ZBTB32: variants seen among roughly 807,000 people sequenced by gnomAD.
ZBTB32 encodes zinc finger and BTB domain containing 32.
Under a neutral mutation model 45.3 loss-of-function variants are expected in ZBTB32, and 28 were observed. The ratio of observed to expected loss-of-function variants is 0.62; its 90% confidence interval spans 0.46 to 0.85. The LOEUF (loss-of-function observed/expected upper bound fraction) is 0.85. ZBTB32 is among the 40% of genes least tolerant of loss of function. The pLI, the probability that ZBTB32 is intolerant of heterozygous loss-of-function variation, is 0.00. For missense variants in ZBTB32, 587 were observed against 624.4 expected, an observed-to-expected ratio of 0.94 and a Z score of 0.64; for synonymous variants, 283 against 255.7, an observed-to-expected ratio of 1.11 and a Z score of -1.02.
At chr19:35,712,681 A>C (rs574773386) in intron 1 of ZBTB32, among the ~76,000 whole-genome samples, 1 of 152,210 alleles carries the variant, frequency 6.6e-6, no homozygotes, top group Non-Finnish European at 1.5e-5. Flanking sequence ...GTCATTTGTC[A>C]TCAGCCCAAG....
chr19:35,715,008 CAGG>C lies in ZBTB32; in HGVS notation c.388_390del (p.Glu130del), dbSNP rs781665616. The C allele has an allele frequency of 1.2e-5, 19 of 1,610,412 alleles. 1 individual carries two copies. In the South Asian group the frequency reaches 2.1e-4, roughly 18 times the overall value. On this transcript the variant is annotated inframe_deletion, in exon 3 of 7. Coordinates refer to ENST00000392197, the MANE Select transcript of ZBTB32 (RefSeq NM_014383.3). ...GCCAGATCCAGGCCTGAAGAAACAT[CAGG>C]AGGAGCCAGAGAAACCCTCAAGGAA...
Position 35,713,015 on chromosome 19 carries a change from A to AC in ZBTB32, c.-118dup, listed in dbSNP as rs1968742982. 1 of 151,954 alleles carries AC rather than the reference A, an allele frequency of 6.6e-6. No individual in the cohort carries two copies. Among genetic ancestry groups the AC allele is most frequent in the African/African-American group, 2.4e-5 (1 of 41,318 alleles). The allele number at this position is 151,954 out of a possible 1,614,324, so 9.4% of individuals were successfully genotyped here. A position where few individuals can be genotyped will look rare whatever the true frequency, so the allele number is the denominator to read the frequency against. On this transcript the variant is annotated 5_prime_UTR_variant, in exon 2 of 7. The change abolishes the stop of an existing upstream ORF in the 5' untranslated region. Coordinates refer to ENST00000392197, the MANE Select transcript of ZBTB32 (RefSeq NM_014383.3). ...ATATTCGTCACGTCATTTCATCTTC[A>AC]CCCCCACCTCCAAATGAGGTAAGCA... is the stretch of plus-strand genomic sequence containing the variant.
chr19:35,710,264 A>T (rs770846790), intron 1 of ZBTB32, among the ~76,000 whole-genome samples: 8 of 152,068 alleles, frequency 5.3e-5, no homozygotes, highest in Non-Finnish European at 1.2e-4. Flanking sequence ...GGCTGATATC[A>T]TATTGCCTTT....
Position 35,716,782 on chromosome 19 carries a change from T to C in ZBTB32, c.*30T>C, listed in dbSNP as rs780887653. The C allele has an allele frequency of 2.1e-5, 33 of 1,579,978 alleles. No individual in the cohort carries two copies. Among genetic ancestry groups the C allele is most frequent in the Non-Finnish European group, 2.7e-5 (31 of 1,156,688 alleles). On this transcript the variant is annotated 3_prime_UTR_variant, in exon 7 of 7. Transcript: ENST00000392197. Reference sequence around the variant, plus strand: ...GTGTCGGTAGCGTCTTAGCCAAGAGTCCAATTAAAGAACGAAAAGCGGGCC... The same window carrying C: ...GTGTCGGTAGCGTCTTAGCCAAGAGCCCAATTAAAGAACGAAAAGCGGGCC...
rs758313846 is a variant in ZBTB32, at chr19:35,715,210, G to T, written c.584G>T (p.Arg195Leu). 1 of 1,607,108 alleles carries T rather than the reference G, an allele frequency of 6.2e-7. No homozygotes were observed. The highest frequency in any genetic ancestry group is 1.7e-5 in the Admixed American group (1 of 58,292). The change falls in exon 3 of 7, where the codon CGC becomes CTC. Residue 195 changes from arginine (R) to leucine (L), a missense_variant. By Grantham distance (102) the Arg-to-Leu change is moderately radical (BLOSUM62 -2). Coordinates refer to ENST00000392197, the MANE Select transcript of ZBTB32 (RefSeq NM_014383.3). ...QQEQTRSKEK[R>L]LQAPVGQRGA... The stretch of plus-strand genomic sequence containing the variant: ...GAACAGACCAGGTCAAAGGAGAAAC[G>T]CCTCCAAGCCCCTGTTGGCCAAAGG...
Position 35,715,144 on chromosome 19 carries a change from G to A in ZBTB32, c.518G>A (p.Gly173Asp), listed in dbSNP as rs777509016. ...TTGCACAAGCACTCGCCACCAAGAG[G>A]CAGACCCGAGATGGCAGGAGCAACG... ...EMLHKHSPPR[G>D]RPEMAGATQE... The change falls in exon 3 of 7, where the codon GGC becomes GAC. Residue 173 changes from glycine to aspartate, a missense_variant. Transcript: ENST00000392197. The A allele has an allele frequency of 6.2e-7, 1 of 1,613,914 alleles. No homozygotes were observed. The highest frequency in any genetic ancestry group is 8.5e-7 in the Non-Finnish European group (1 of 1,179,984).
chr19:35,709,473 A>T (rs1246847765), intron 1 of ZBTB32, among the ~76,000 whole-genome samples: 2 of 152,210 alleles, frequency 1.3e-5, no homozygotes, highest in African/African-American at 4.8e-5. Flanking sequence ...CAAGAAGTTC[A>T]TGATACAAGG....
chr19:35,709,169 A>G (rs1037264100), intron 1 of ZBTB32, among the ~76,000 whole-genome samples: 1 of 152,106 alleles, frequency 6.6e-6, no homozygotes. Context: ...AATCGCTCTT[A>G]ATCTATATAA....
At chr19:35,707,369 C>CA (rs1968571161) in intron 1 of ZBTB32, among the ~76,000 whole-genome samples, 1 of 119,672 alleles carries the variant, frequency 8.4e-6, no homozygotes, top group Admixed American at 8.9e-5. Flanking sequence ...CTACCATTTT[C>CA]TTTTTTTTTT....
intron 1 of ZBTB32, among the ~76,000 whole-genome samples, chr19:35,709,880 A>G (rs1968643999): frequency 6.7e-6 from 1 of 149,344 alleles, no homozygotes; most frequent in Non-Finnish European, 1.5e-5. Context: ...CTCTGTCTCA[A>G]AAAAAAAAAA....
rs753807569 is a variant in ZBTB32, at chr19:35,716,226, A to T, written c.1118A>T (p.Tyr373Phe). The T allele has an allele frequency of 1.2e-6, 2 of 1,613,310 alleles. No individual in the cohort carries two copies. The highest frequency in any genetic ancestry group is 2.7e-5 in the African/African-American group (2 of 74,696). Residue 373 changes from tyrosine (Y) to phenylalanine (F), a missense_variant, in exon 6 of 7, where the codon TAT (tyrosine) becomes TTT (phenylalanine). Coordinates refer to ENST00000392197, the MANE Select transcript of ZBTB32 (RefSeq NM_014383.3). ...PPAPPARSRP[Y>F]ACSVCGKRFS... The stretch of plus-strand genomic sequence containing the variant: ...GCCCCTCCTGCTCGGTCTCGGCCCT[A>T]TGCGTGCTCTGTCTGTGGAAAGAGG...
intron 1 of ZBTB32, among the ~76,000 whole-genome samples, chr19:35,710,435 G>A (rs765873981): frequency 6.6e-6 from 1 of 152,050 alleles, no homozygotes; most frequent in Non-Finnish European, 1.5e-5. Flanking sequence ...GAAGAGGAAG[G>A]GGGGGCAAGG....
chr19:35,713,058 A>C (rs1051094194), intron 2 of ZBTB32, 25 bp downstream of exon 2: 6 of 152,254 alleles, frequency 3.9e-5, no homozygotes, highest in Non-Finnish European at 8.8e-5. Flanking sequence ...TGCCTATTTC[A>C]TGAATGAGGT....
intron 1 of ZBTB32, among the ~76,000 whole-genome samples, chr19:35,710,854 C>T (rs1968671251): frequency 1.3e-5 from 2 of 152,214 alleles, no homozygotes; most frequent in African/African-American, 4.8e-5. Context: ...TTGGGTTGCA[C>T]TGTCAAGAAT....
chr19:35,717,031 T>G lies in ZBTB32; in HGVS notation c.*279T>G. The G allele has an allele frequency of 2.1e-6, 1 of 478,954 alleles. No homozygotes were observed. Among genetic ancestry groups the G allele is most frequent in the Non-Finnish European group, 3.7e-6 (1 of 267,248 alleles). The allele number at this position is 478,954 out of a possible 1,614,324, so 29.7% of individuals were successfully genotyped here. A position where few individuals can be genotyped will look rare whatever the true frequency, so the allele number is the denominator to read the frequency against. On this transcript the variant is annotated 3_prime_UTR_variant, in exon 7 of 7. Transcript: ENST00000392197. ...CCATAATAAAGAGTTTCCTGTGCCC[T>G]CCCTTCAGGACTAGAAAGCCGAGTT...
intron 1 of ZBTB32, among the ~76,000 whole-genome samples, chr19:35,705,577 G>A (rs185979341): frequency 6.6e-5 from 10 of 152,218 alleles, no homozygotes; most frequent in East Asian, 3.9e-4. Flanking sequence ...AGCTGTTTGC[G>A]CTGGATGAAG....
intron 1 of ZBTB32, among the ~76,000 whole-genome samples, chr19:35,708,662 A>G (rs1409869941): frequency 1.3e-5 from 2 of 152,190 alleles, no homozygotes; most frequent in East Asian, 3.8e-4. Context: ...GGCTAGATTC[A>G]GCTCACCTGG....
At chr19:35,706,341 T>C (rs1221806753) in intron 1 of ZBTB32, among the ~76,000 whole-genome samples, 2 of 151,954 alleles carry the variant, frequency 1.3e-5, no homozygotes, top group East Asian at 1.9e-4. Context: ...TATCAGGCTG[T>C]AGGTGCGGGG....
Position 35,714,879 on chromosome 19 carries a change from C to A in ZBTB32, c.253C>A (p.Leu85Met), listed in dbSNP as rs371705744. 11 of 1,601,086 alleles carry A rather than the reference C, an allele frequency of 6.9e-6. No individual in the cohort carries two copies. The highest frequency in any genetic ancestry group is 9.4e-6 in the Non-Finnish European group (11 of 1,173,008). The change falls in exon 3 of 7, where the codon CTG becomes ATG. Residue 85 changes from leucine (L) to methionine (M), a missense_variant. Leu to Met is a conservative substitution (Grantham distance 15, BLOSUM62 2). Transcript: ENST00000392197. ...CTTTGTGTATGGGGAGAGTGTAGAGCTGCAGCCTGGAGAGCTAAGGCCCCT... is the reference window on the plus strand; with the variant it reads ...CTTTGTGTATGGGGAGAGTGTAGAGATGCAGCCTGGAGAGCTAAGGCCCCT... ...LNFVYGESVE[L>M]QPGELRPLQE...
Sources: gnomAD v4.1 joint callset for allele counts (sites outside exome capture counted in the v4.1 genomes callset) on GRCh38, gnomAD v4.1.1 for gene constraint, MANE v1.5 for transcripts, NCBI Gene and HGNC (gene_info 2026-07-23, HGNC 2026-07-21) for gene names.